Variants in FBXO3 observed in about 807,000 individuals in gnomAD.
The protein encoded by FBXO3 is F-box protein 3, also known as F-box only protein 3.
FBXO3 carries 17 observed loss-of-function variants against 64.8 expected under a neutral mutation model. The observed-to-expected ratio is 0.26, with a 90% CI of 0.18 to 0.39. The LOEUF is 0.39. Among genes scored for constraint, FBXO3 ranks in the 10% least tolerant of loss-of-function variants. The pLI is 1.00. For synonymous variants in FBXO3, 182 were observed against 201.6 expected (o/e 0.90, Z 0.82); for missense variants, 420 against 589.9 (o/e 0.71, Z 2.98).
chr11:33,746,180 AG>A (rs1854808932), intron 10 of FBXO3: 1 of 153,620 alleles, frequency 6.5e-6, no homozygotes, highest in African/African-American at 2.4e-5. Flanking sequence ...TCAAACATTT[AG>A]GGAAAAGATT....
At chr11:33,746,501 G>A in intron 10 of FBXO3, 4 of 537,772 alleles carry the variant, frequency 7.4e-6, no homozygotes, top group African/African-American at 1.9e-5. Context: ...AAGCTAGAGG[G>A]CATTTTCCAA....
intron 3 of FBXO3, among the ~76,000 whole-genome samples, chr11:33,765,486 A>G (rs1855346552): frequency 1.3e-5 from 2 of 152,220 alleles, no homozygotes; most frequent in African/African-American, 4.8e-5. Context: ...ACATGGCAAA[A>G]AGAAAACTAA....
chr11:33,762,683 A>G (rs1417879417), intron 3 of FBXO3, among the ~76,000 whole-genome samples: 1 of 151,966 alleles, frequency 6.6e-6, no homozygotes, highest in Non-Finnish European at 1.5e-5. Flanking sequence ...TTAAAAAAAT[A>G]AGAAAGGCTG....
chr11:33,746,716 G>C lies in FBXO3; in HGVS notation c.1239+414C>G, dbSNP rs1270208644. Reference sequence around the variant, plus strand: ...CTTAAGAAATGATCCCAGAGAGACTGCCAAAAGTACACATCCACACATTAA... The same window carrying C: ...CTTAAGAAATGATCCCAGAGAGACTCCCAAAAGTACACATCCACACATTAA... On this transcript the variant is annotated intron_variant, in intron 10 of 10. Coordinates refer to ENST00000265651, the MANE Select transcript of FBXO3 (RefSeq NM_012175.4). 16 of 1,420,864 alleles carry C rather than the reference G, an allele frequency of 1.1e-5. No homozygotes were observed. In the East Asian group the frequency reaches 3.8e-4, roughly 33 times the overall value. 88.0% of individuals were successfully genotyped at this position (1,420,864 alleles called of 1,614,324 possible). A position where few individuals can be genotyped will look rare whatever the true frequency, so the allele number is the denominator to read the frequency against.
chr11:33,742,304 G>T, intron 10 of FBXO3: 1 of 359,844 alleles, frequency 2.8e-6, no homozygotes, highest in East Asian at 4.3e-5. Context: ...TTTTTTTGTT[G>T]TTGTTTAATG....
Position 33,758,469 on chromosome 11 carries a change from A to G in FBXO3, c.473+18T>C. On this transcript the variant is annotated intron_variant, in intron 4 of 10. Transcript: ENST00000265651. ...TAACTTGCATCATTAAAAATAACCA[A>G]AACATTGAATATCTTACCCAGGAAC... is the stretch of plus-strand genomic sequence containing the variant. 1 of 1,538,786 alleles carries G rather than the reference A, an allele frequency of 6.5e-7. No homozygotes were observed. Among genetic ancestry groups the G allele is most frequent in the Non-Finnish European group, 8.9e-7 (1 of 1,126,182 alleles).
intron 3 of FBXO3, among the ~76,000 whole-genome samples, chr11:33,761,214 G>A (rs1455777152): frequency 6.6e-6 from 1 of 151,970 alleles, no homozygotes; most frequent in Non-Finnish European, 1.5e-5. Flanking sequence ...GTGAACAGGT[G>A]GGACAAATAG....
chr11:33,758,598 C>A lies in FBXO3; in HGVS notation c.362G>T (p.Gly121Val). 1 of 1,597,814 alleles carries A rather than the reference C, an allele frequency of 6.3e-7. No homozygotes were observed. The highest frequency in any genetic ancestry group is 8.6e-7 in the Non-Finnish European group (1 of 1,168,564). The change falls in exon 4 of 11, where the codon GGT becomes GTT. Residue 121 changes from glycine to valine, a missense_variant. Transcript: ENST00000265651. ...AGCATCGAGGTCTTCCTCTCGAGCA[C>A]CCTCTATAAAGGCACAAAAAAGAGT... Reference protein sequence around the residue: ...CPRMVLSLKEGAREEDLDAVE... With the variant: ...CPRMVLSLKEVAREEDLDAVE...
At chr11:33,763,171 C>G (rs1477359704) in intron 3 of FBXO3, 2 of 360,762 alleles carry the variant, frequency 5.5e-6, no homozygotes, top group Non-Finnish European at 1.1e-5. Context: ...GTGCATTCTA[C>G]TAATCATTTA....
rs138019297 is a variant in FBXO3, at chr11:33,747,397, T to C, written c.1049-77A>G. Reference sequence around the variant, plus strand: ...TACAATAAATAAGGTATGGTCTCCATGGCATTATGTAAACTATATAATAGT... The same window carrying C: ...TACAATAAATAAGGTATGGTCTCCACGGCATTATGTAAACTATATAATAGT... On this transcript the variant is annotated intron_variant, in intron 9 of 10. Coordinates refer to ENST00000265651, the MANE Select transcript of FBXO3 (RefSeq NM_012175.4). The C allele has an allele frequency of 8.2e-5, 96 of 1,167,072 alleles. 3 individuals carry two copies. The Middle Eastern group carries it at 2.1e-3, about 26-fold the overall frequency. The allele number at this position is 1,167,072 out of a possible 1,614,324, so 72.3% of individuals were successfully genotyped here. A position where few individuals can be genotyped will look rare whatever the true frequency, so the allele number is the denominator to read the frequency against.
chr11:33,770,014 T>C (rs961742201), intron 2 of FBXO3, among the ~76,000 whole-genome samples: 1 of 152,204 alleles, frequency 6.6e-6, no homozygotes, highest in Admixed American at 6.5e-5. Context: ...AAAGGAAATC[T>C]TAGGTATTTC....
At chr11:33,750,428 C>A in intron 8 of FBXO3, 111 bp downstream of exon 8, 1 of 1,286,064 alleles carries the variant, frequency 7.8e-7, no homozygotes, top group African/African-American at 1.5e-5. Context: ...CAAACTTCAG[C>A]AAGTTCTTTC....
chr11:33,756,094 A>G, intron 4 of FBXO3, 119 bp from the exon 5 acceptor site: 1 of 713,214 alleles, frequency 1.4e-6, no homozygotes, highest in South Asian at 1.8e-5. Flanking sequence ...TAACATGACA[A>G]TTCTAAATCA....
At chr11:33,764,022 ATGC>A in intron 3 of FBXO3, among the ~76,000 whole-genome samples, 1 of 152,358 alleles carries the variant, frequency 6.6e-6, no homozygotes, top group African/African-American at 2.4e-5. Flanking sequence ...AGCAAACTCA[ATGC>A]CAGATATTTA....
intron 10 of FBXO3, chr11:33,744,563 T>C (rs1346296009): frequency 1.3e-5 from 2 of 152,184 alleles, no homozygotes; most frequent in African/African-American, 4.8e-5. Context: ...AGAAAACTAA[T>C]ATACAAACAG....
chr11:33,747,996 ATAAGG>A (rs1470120369), intron 9 of FBXO3, among the ~76,000 whole-genome samples: 1 of 152,172 alleles, frequency 6.6e-6, no homozygotes, highest in African/African-American at 2.4e-5. Context: ...TCAAACAAAG[ATAAGG>A]TAATCTAAAT....
chr11:33,757,656 TAAAAAAAAAAAAAA>T lies in FBXO3; in HGVS notation c.473+817_473+830del, dbSNP rs1170445394. Among the ~76,000 whole-genome samples, 14 of 23,980 alleles carry T rather than the reference TAAAAAAAAAAAAAA, an allele frequency of 5.8e-4. No homozygotes were observed. In the South Asian group the frequency reaches 0.031, roughly 53 times the overall value. The allele number at this position is 23,980 out of a possible 152,430, so 15.7% of individuals were successfully genotyped here. Reference sequence around the variant, plus strand: ...GGCAACACACCAAGACACCATCTCTTAAAAAAAAAAAAAAAAAAAAAAAAAGTCTGGGTGGTTTG... The same window carrying T: ...GGCAACACACCAAGACACCATCTCTTAAAAAAAAAAAGTCTGGGTGGTTTG... On this transcript the variant is annotated intron_variant, in intron 4 of 10. Transcript: ENST00000265651.
intron 3 of FBXO3, among the ~76,000 whole-genome samples, chr11:33,760,516 G>A (rs1031685975): frequency 3.3e-5 from 5 of 151,862 alleles, no homozygotes; most frequent in African/African-American, 7.3e-5. Flanking sequence ...GGATGGTGTC[G>A]CACCTGTAGT....
intron 1 of FBXO3, 64 bp from the exon 2 acceptor site, chr11:33,770,894 T>C (rs538962503): frequency 7.8e-7 from 1 of 1,278,296 alleles, no homozygotes; most frequent in Non-Finnish European, 1.1e-6. Flanking sequence ...AAAATAAAGA[T>C]TAAAATATTC....
Sources: gnomAD v4.1 joint callset for allele counts (sites outside exome capture counted in the v4.1 genomes callset) on GRCh38, gnomAD v4.1.1 for gene constraint, MANE v1.5 for transcripts, NCBI Gene and HGNC (gene_info 2026-07-23, HGNC 2026-07-21) for gene names.